The following XRCC4 variants were observed in gnomAD, a reference collection of about 807,000 sequenced individuals.
XRCC4 encodes the protein X-ray repair cross complementing 4, also known as DNA repair protein XRCC4.
XRCC4 carries 28 observed loss-of-function variants against 39.1 expected under a neutral mutation model. The ratio of observed to expected loss-of-function variants is 0.72; its 90% CI spans 0.53 to 0.98. The LOEUF (loss-of-function observed/expected upper bound fraction) is 0.98, where lower values mean the gene tolerates loss of function less well. Among genes scored for constraint, XRCC4 ranks in the 50% least tolerant of loss-of-function variants. XRCC4 has a pLI of 0.00. For synonymous variants in XRCC4, 123 were observed against 126.4 expected (o/e 0.97, Z 0.18); for missense variants, 350 against 376.4 (o/e 0.93, Z 0.58).
intron 6 of XRCC4, among the ~76,000 whole-genome samples, chr5:83,244,231 A>G (rs570298875): frequency 6.6e-6 from 1 of 152,230 alleles, no homozygotes; most frequent in African/African-American, 2.4e-5. Flanking sequence ...TCACGTCAGT[A>G]ATTTTTTATT....
intron 6 of XRCC4, among the ~76,000 whole-genome samples, chr5:83,218,541 A>T (rs1323889468): frequency 6.6e-6 from 1 of 152,124 alleles, no homozygotes; most frequent in African/African-American, 2.4e-5. Flanking sequence ...AATGTAGCAT[A>T]AAATCATAAG....
chr5:83,131,972 G>C (rs1297431177), intron 3 of XRCC4, among the ~76,000 whole-genome samples: 1 of 152,094 alleles, frequency 6.6e-6, no homozygotes, highest in African/African-American at 2.4e-5. Context: ...TTTCTTCTTA[G>C]CATCGATGGT....
intron 3 of XRCC4, among the ~76,000 whole-genome samples, chr5:83,185,838 A>G (rs960822829): frequency 9.2e-5 from 14 of 152,162 alleles, no homozygotes; most frequent in African/African-American, 2.7e-4. Flanking sequence ...GGAGAGAGAA[A>G]TTAAAAAATG....
intron 7 of XRCC4, among the ~76,000 whole-genome samples, chr5:83,307,531 TCG>T (rs1561466517): frequency 3.3e-5 from 5 of 152,178 alleles, no homozygotes; most frequent in Non-Finnish European, 7.3e-5. Context: ...TTTAAGAGAC[TCG>T]TAAGCAGAGT....
intron 7 of XRCC4, among the ~76,000 whole-genome samples, chr5:83,296,145 C>T (rs775622217): frequency 1.3e-5 from 2 of 152,108 alleles, no homozygotes; most frequent in Non-Finnish European, 2.9e-5. Flanking sequence ...AGATATTTAA[C>T]ACCACTGCTT....
At chr5:83,194,224 G>A (rs941930797) in intron 3 of XRCC4, among the ~76,000 whole-genome samples, 3 of 152,210 alleles carry the variant, frequency 2.0e-5, no homozygotes, top group African/African-American at 7.2e-5. Flanking sequence ...GGGATTACAG[G>A]AGTGAGCCAC....
chr5:83,081,294 G>A (rs1744929516), intron 1 of XRCC4, among the ~76,000 whole-genome samples: 1 of 152,058 alleles, frequency 6.6e-6, no homozygotes, highest in African/African-American at 2.4e-5. Flanking sequence ...TTCATTCACT[G>A]TTATTCACAT....
intron 3 of XRCC4, among the ~76,000 whole-genome samples, chr5:83,160,930 G>C (rs768203836): frequency 1.3e-5 from 2 of 151,644 alleles, no homozygotes; most frequent in Non-Finnish European, 2.9e-5. Context: ...GTCATTTTCA[G>C]GCACTTAATA....
chr5:83,172,624 G>A (rs1018198770), intron 3 of XRCC4, among the ~76,000 whole-genome samples: 1 of 152,050 alleles, frequency 6.6e-6, no homozygotes, highest in Non-Finnish European at 1.5e-5. Flanking sequence ...TCACATTAAA[G>A]TATAAGAAAA....
chr5:83,116,025 T>C (rs1264125165), intron 3 of XRCC4, among the ~76,000 whole-genome samples: 5 of 152,168 alleles, frequency 3.3e-5, no homozygotes, highest in African/African-American at 1.2e-4. Context: ...TCTTCCAGTA[T>C]TCAGGATGTG....
At chr5:83,369,004 G>A in the XRCC4 span, among the ~76,000 whole-genome samples, 12 of 152,212 alleles carry the variant, frequency 7.9e-5, no homozygotes, top group Non-Finnish European at 1.6e-4. Context: ...TAATAGCACA[G>A]CAAGGCACAA....
At chr5:83,303,317 T>C (rs1227758951) in intron 7 of XRCC4, among the ~76,000 whole-genome samples, 1 of 151,930 alleles carries the variant, frequency 6.6e-6, no homozygotes, top group Non-Finnish European at 1.5e-5. Context: ...TAAAATTAAG[T>C]GAAAGATATT....
chr5:83,279,438 A>G (rs987033685), intron 7 of XRCC4, among the ~76,000 whole-genome samples: 1 of 152,184 alleles, frequency 6.6e-6, no homozygotes, highest in Admixed American at 6.5e-5. Context: ...TAAAATACCA[A>G]AAGTGCCAGA....
At chr5:83,226,009 G>A (rs111501673) in intron 6 of XRCC4, among the ~76,000 whole-genome samples, 60 of 151,928 alleles carry the variant, frequency 3.9e-4, no homozygotes, top group Non-Finnish European at 6.6e-4. Context: ...ATGTGTGTCC[G>A]AAACCTCTTC....
chr5:83,151,199 T>C (rs1748685670), intron 3 of XRCC4, among the ~76,000 whole-genome samples: 1 of 152,164 alleles, frequency 6.6e-6, no homozygotes, highest in African/African-American at 2.4e-5. Context: ...AACTAGATTC[T>C]GAACTCCATG....
intron 3 of XRCC4, among the ~76,000 whole-genome samples, chr5:83,162,968 A>G (rs1351158109): frequency 1.1e-5 from 1 of 88,590 alleles, no homozygotes; most frequent in African/African-American, 7.1e-5. Flanking sequence ...TTTTTTTGAG[A>G]CAGAAGAGTC....
At chr5:83,110,898 T>C in intron 2 of XRCC4, 130 bp from the exon 3 acceptor site, 1 of 828,522 alleles carries the variant, frequency 1.2e-6, no homozygotes, top group Non-Finnish European at 1.8e-6. Flanking sequence ...AAATGTGTAG[T>C]ATAGGGATTG....
intron 3 of XRCC4, among the ~76,000 whole-genome samples, chr5:83,168,315 G>C (rs1749576501): frequency 6.6e-6 from 1 of 152,066 alleles, no homozygotes; most frequent in South Asian, 2.1e-4. Context: ...CAAATGAGTA[G>C]AAATACAAAA....
chr5:83,110,680 C>A (rs540041665), intron 2 of XRCC4, among the ~76,000 whole-genome samples: 3 of 152,148 alleles, frequency 2.0e-5, no homozygotes, highest in African/African-American at 7.2e-5. Flanking sequence ...TTATAAAATA[C>A]TGAACTTATT....
Sources: allele counts gnomAD v4.1 joint callset (sites outside exome capture counted in the v4.1 genomes callset), GRCh38; gene constraint gnomAD v4.1.1; transcripts MANE v1.5; gene names NCBI Gene and HGNC (gene_info 2026-07-23, HGNC 2026-07-21).